Variants in THSD7B observed in about 807,000 individuals in gnomAD.
THSD7B encodes the protein thrombospondin type 1 domain containing 7B, also known as thrombospondin type-1 domain-containing protein 7B.
THSD7B carries 138 observed loss-of-function variants against 213.6 expected under a neutral mutation model. The ratio of observed to expected loss-of-function variants is 0.65; its 90% confidence interval spans 0.56 to 0.74. The LOEUF (loss-of-function observed/expected upper bound fraction) is 0.74. Among genes scored for constraint, THSD7B ranks in the 30% least tolerant of loss-of-function variants. THSD7B has a pLI of 0.00. For missense variants in THSD7B, 1,931 were observed against 1,991.5 expected (o/e 0.97, Z 0.58); for synonymous variants, 742 against 687.0 (o/e 1.08, Z -1.25).
chr2:137,316,666 G>C (rs1254412032), intron 12 of THSD7B, among the ~76,000 whole-genome samples: 1 of 151,410 alleles, frequency 6.6e-6, no homozygotes, highest in Admixed American at 6.6e-5. Context: ...GCTGAGGCAG[G>C]AGAATGGCGT....
At chr2:137,520,954 T>G (rs1435462952) in intron 15 of THSD7B, among the ~76,000 whole-genome samples, 1 of 152,148 alleles carries the variant, frequency 6.6e-6, no homozygotes, top group African/African-American at 2.4e-5. Flanking sequence ...AGTGAACCAT[T>G]GTGGGTGAAC....
intron 5 of THSD7B, among the ~76,000 whole-genome samples, chr2:137,146,247 G>A (rs1394719966): frequency 6.6e-6 from 1 of 151,952 alleles, no homozygotes; most frequent in Admixed American, 6.6e-5. Context: ...AAAAATATAA[G>A]CATATAGATT....
chr2:137,162,091 T>A (rs752063115), intron 6 of THSD7B, among the ~76,000 whole-genome samples: 2 of 152,156 alleles, frequency 1.3e-5, no homozygotes, highest in Admixed American at 6.5e-5. Flanking sequence ...AGAAACCCAA[T>A]TGATAACCAG....
At chr2:136,871,726 A>G (rs1683435169) in intron 1 of THSD7B, among the ~76,000 whole-genome samples, 1 of 152,128 alleles carries the variant, frequency 6.6e-6, no homozygotes, top group South Asian at 2.1e-4. Context: ...CTTACTTTGG[A>G]CTCTGTATGA....
intron 15 of THSD7B, among the ~76,000 whole-genome samples, chr2:137,533,735 C>T (rs1055032877): frequency 6.6e-6 from 1 of 151,902 alleles, no homozygotes; most frequent in Admixed American, 6.6e-5. Context: ...TGGGCTGCCA[C>T]TGACAGGGCT....
chr2:137,301,088 A>C (rs1683589756), intron 12 of THSD7B, among the ~76,000 whole-genome samples: 1 of 152,170 alleles, frequency 6.6e-6, no homozygotes, highest in Non-Finnish European at 1.5e-5. Flanking sequence ...ATAAAGCAAT[A>C]TAAAAACCTG....
intron 2 of THSD7B, among the ~76,000 whole-genome samples, chr2:136,954,513 G>A (rs1387584573): frequency 2.0e-5 from 3 of 151,890 alleles, no homozygotes; most frequent in African/African-American, 4.8e-5. Flanking sequence ...TCAGGAGATC[G>A]AGACCATCCT....
intron 12 of THSD7B, among the ~76,000 whole-genome samples, chr2:137,331,966 C>T (rs531313634): frequency 1.4e-4 from 22 of 152,296 alleles, no homozygotes; most frequent in African/African-American, 3.6e-4. Context: ...CGCACACAGC[C>T]CCGGTTCCCA....
chr2:136,948,524 G>A (rs138212954), intron 2 of THSD7B, among the ~76,000 whole-genome samples: 306 of 151,988 alleles, frequency 2.0e-3, no homozygotes, highest in African/African-American at 7.0e-3. Context: ...AGAAAATGCC[G>A]TAGAAATTCA....
intron 3 of THSD7B, among the ~76,000 whole-genome samples, chr2:137,074,681 T>C (rs1030495022): frequency 3.3e-5 from 5 of 152,208 alleles, no homozygotes; most frequent in Non-Finnish European, 7.3e-5. Context: ...TTCCTAGCCT[T>C]GACGGTCTTT....
chr2:136,966,631 G>C (rs1351248064), intron 2 of THSD7B, among the ~76,000 whole-genome samples: 1 of 152,034 alleles, frequency 6.6e-6, no homozygotes, highest in Non-Finnish European at 1.5e-5. Flanking sequence ...TAGTTGCCTG[G>C]TCTCTGAGTT....
chr2:137,660,843 GTTA>G (rs1333688315), intron 25 of THSD7B, among the ~76,000 whole-genome samples: 1 of 152,112 alleles, frequency 6.6e-6, no homozygotes, highest in Non-Finnish European at 1.5e-5. Flanking sequence ...TCATATTTAT[GTTA>G]TTATTATATG....
At chr2:137,611,002 T>TA (rs1558859067) in intron 17 of THSD7B, among the ~76,000 whole-genome samples, 22 of 144,286 alleles carry the variant, frequency 1.5e-4, no homozygotes, top group African/African-American at 5.5e-4. Flanking sequence ...ATAATAATAA[T>TA]AATAAATAAA....
chr2:137,127,430 G>A (rs1300083411), intron 5 of THSD7B, among the ~76,000 whole-genome samples: 1 of 152,022 alleles, frequency 6.6e-6, no homozygotes, highest in Non-Finnish European at 1.5e-5. Flanking sequence ...CTTTCATTTT[G>A]GAAATTGTCA....
chr2:137,591,657 G>A (rs1436093619), intron 17 of THSD7B, among the ~76,000 whole-genome samples: 2 of 151,906 alleles, frequency 1.3e-5, no homozygotes, highest in African/African-American at 2.4e-5. Flanking sequence ...TAAACCAATC[G>A]AAAAGTTGTA....
chr2:137,299,280 T>C (rs1483390591), intron 12 of THSD7B, among the ~76,000 whole-genome samples: 1 of 152,146 alleles, frequency 6.6e-6, no homozygotes, highest in Admixed American at 6.5e-5. Flanking sequence ...CTGTATTTAC[T>C]CAATACCTGT....
chr2:136,896,031 C>A (rs1683954506), intron 2 of THSD7B, among the ~76,000 whole-genome samples: 1 of 152,164 alleles, frequency 6.6e-6, no homozygotes, highest in African/African-American at 2.4e-5. Flanking sequence ...TACTCTTTGG[C>A]TGCTATGGAT....
chr2:136,800,313 A>C lies in THSD7B; in HGVS notation c.-36+34626A>C, dbSNP rs572184038. 3.9e-5 allele frequency among the ~76,000 whole-genome samples: 6 copies of C among 152,006 alleles called. No individual in the cohort carries two copies. In the South Asian group the frequency reaches 1.2e-3, roughly 32 times the overall value. On this transcript the variant is annotated intron_variant, in intron 1 of 27. Coordinates refer to ENST00000409968, the MANE Select transcript of THSD7B (RefSeq NM_001316349.2). Reference sequence around the variant, plus strand: ...GATTACCTCCTCCTTTAGGGAGGTGATTAAGCATCATATTAAGTAGTGTGG... The same window carrying C: ...GATTACCTCCTCCTTTAGGGAGGTGCTTAAGCATCATATTAAGTAGTGTGG...
intron 15 of THSD7B, among the ~76,000 whole-genome samples, chr2:137,458,456 C>A (rs557122648): frequency 7.2e-5 from 11 of 152,238 alleles, no homozygotes; most frequent in Non-Finnish European, 1.5e-4. Flanking sequence ...TCTCCTGTTA[C>A]AATTCTTTCA....
Sources: gnomAD v4.1 joint callset for allele counts (sites outside exome capture counted in the v4.1 genomes callset) on GRCh38, gnomAD v4.1.1 for gene constraint, MANE v1.5 for transcripts, NCBI Gene and HGNC (gene_info 2026-07-23, HGNC 2026-07-21) for gene names.